MACROD2: variants seen among roughly 807,000 people sequenced by gnomAD.
MACROD2 encodes ADP-ribose glycohydrolase MACROD2.
In MACROD2, 36 loss-of-function variants were observed where a neutral mutation model predicts 70.4. The ratio of observed to expected loss-of-function variants is 0.51; its 90% CI spans 0.39 to 0.68. The LOEUF (loss-of-function observed/expected upper bound fraction) is 0.68, where lower values mean the gene tolerates loss of function less well. Among genes scored for constraint, MACROD2 ranks in the 30% least tolerant of loss-of-function variants. The pLI is 0.00. For missense variants in MACROD2, 496 were observed against 538.4 expected (o/e 0.92, Z 0.78); for synonymous variants, 172 against 178.8 (o/e 0.96, Z 0.30).
At chr20:15,495,752 T>C (rs1040153738) in intron 7 of MACROD2, among the ~76,000 whole-genome samples, 1 of 152,214 alleles carries the variant, frequency 6.6e-6, no homozygotes, top group Non-Finnish European at 1.5e-5. Flanking sequence ...TAATCACATA[T>C]TTACATAAAT....
chr20:15,229,039 G>A (rs1407656036), intron 5 of MACROD2, among the ~76,000 whole-genome samples: 4 of 152,112 alleles, frequency 2.6e-5, no homozygotes, highest in African/African-American at 7.2e-5. Context: ...TCAGTTCACC[G>A]ATAAGACTGG....
intron 8 of MACROD2, among the ~76,000 whole-genome samples, chr20:15,718,313 A>G (rs2050735692): frequency 6.6e-6 from 1 of 152,178 alleles, no homozygotes; most frequent in Admixed American, 6.6e-5. Flanking sequence ...CTAAGCAAAC[A>G]GGCAAGTTAT....
intron 5 of MACROD2, among the ~76,000 whole-genome samples, chr20:15,067,721 T>G (rs565868228): frequency 1.3e-5 from 2 of 152,258 alleles, no homozygotes; most frequent in African/African-American, 4.8e-5. Context: ...GCATACACAT[T>G]GTATGTAGAT....
chr20:15,664,387 A>T (rs1349411238), intron 8 of MACROD2, among the ~76,000 whole-genome samples: 1 of 152,208 alleles, frequency 6.6e-6, no homozygotes, highest in East Asian at 1.9e-4. Flanking sequence ...AGCAGCATAA[A>T]ATATTTATTT....
chr20:15,547,030 A>G lies in MACROD2; in HGVS notation c.645+47183A>G, dbSNP rs144277746. On this transcript the variant is annotated intron_variant, in intron 8 of 17. Coordinates refer to ENST00000684519, the MANE Select transcript of MACROD2 (RefSeq NM_001351661.2). Reference sequence around the variant, plus strand: ...TATCTCACCTGTCAGCTCTCTTGACAGCTTGCTGTTGAATCGGAACCAAAG... The same window carrying G: ...TATCTCACCTGTCAGCTCTCTTGACGGCTTGCTGTTGAATCGGAACCAAAG... 1.2e-4 allele frequency among the ~76,000 whole-genome samples: 18 copies of G among 152,308 alleles called. No homozygotes were observed. The East Asian group carries it at 2.7e-3, about 23-fold the overall frequency.
intron 4 of MACROD2, among the ~76,000 whole-genome samples, chr20:14,594,699 C>T (rs1982003295): frequency 6.6e-6 from 1 of 152,198 alleles, no homozygotes; most frequent in African/African-American, 2.4e-5. Flanking sequence ...TGAGACCAGC[C>T]TGGCCAATAT....
intron 5 of MACROD2, among the ~76,000 whole-genome samples, chr20:15,215,799 C>A (rs1024244074): frequency 6.6e-6 from 1 of 151,850 alleles, no homozygotes; most frequent in Non-Finnish European, 1.5e-5. Flanking sequence ...AATAAAAATT[C>A]TTGGAAATAA....
chr20:14,174,130 G>T (rs2081245074), intron 3 of MACROD2, among the ~76,000 whole-genome samples: 1 of 152,090 alleles, frequency 6.6e-6, no homozygotes, highest in Non-Finnish European at 1.5e-5. Context: ...TCTCAAGAGT[G>T]TATCAGCTAG....
At chr20:15,242,113 T>C (rs762435081) in intron 6 of MACROD2, among the ~76,000 whole-genome samples, 3 of 152,172 alleles carry the variant, frequency 2.0e-5, no homozygotes, top group Non-Finnish European at 2.9e-5. Flanking sequence ...AACCTCTTGG[T>C]ATAATGGATC....
intron 3 of MACROD2, among the ~76,000 whole-genome samples, chr20:14,263,545 C>T (rs993207804): frequency 2.6e-5 from 4 of 152,066 alleles, no homozygotes; most frequent in African/African-American, 9.7e-5. Context: ...CATGAAGCCT[C>T]CAGGGTCAAG....
At chr20:15,712,331 G>T (rs947022237) in intron 8 of MACROD2, among the ~76,000 whole-genome samples, 1 of 152,206 alleles carries the variant, frequency 6.6e-6, no homozygotes, top group Admixed American at 6.5e-5. Flanking sequence ...ACTGGAGTTG[G>T]CCCACAGGCC....
intron 9 of MACROD2, among the ~76,000 whole-genome samples, chr20:15,879,018 G>A (rs908857451): frequency 3.9e-5 from 6 of 152,110 alleles, no homozygotes; most frequent in Non-Finnish European, 8.8e-5. Context: ...TAACATCAAA[G>A]AGGTCCCGTA....
intron 4 of MACROD2, among the ~76,000 whole-genome samples, chr20:14,495,136 A>G (rs1568638953): frequency 6.6e-6 from 1 of 152,120 alleles, no homozygotes. Flanking sequence ...AAAAGTAAAA[A>G]ACATTAAAAT....
chr20:15,725,947 T>C (rs1318426739), intron 8 of MACROD2, among the ~76,000 whole-genome samples: 3 of 152,278 alleles, frequency 2.0e-5, no homozygotes, highest in East Asian at 3.9e-4. Context: ...TAGGTAAACC[T>C]TTATATAGGT....
chr20:14,702,676 CACATATATGTGTATATATATGT>C (rs1568747668), intron 5 of MACROD2, among the ~76,000 whole-genome samples: 2 of 68,470 alleles, frequency 2.9e-5, no homozygotes, highest in Non-Finnish European at 5.6e-5. Flanking sequence ...TATATATATA[CACATATATGTGTATATATATGT>C]ATATATATGT....
intron 8 of MACROD2, among the ~76,000 whole-genome samples, chr20:15,549,107 T>G (rs1402488076): frequency 6.6e-6 from 1 of 152,234 alleles, no homozygotes; most frequent in African/African-American, 2.4e-5. Context: ...AGTAAGATAG[T>G]TGTTGTAACT....
At chr20:14,501,148 A>G (rs1454940038) in intron 4 of MACROD2, among the ~76,000 whole-genome samples, 1 of 151,796 alleles carries the variant, frequency 6.6e-6, no homozygotes, top group East Asian at 1.9e-4. Flanking sequence ...TTTTATTTTT[A>G]AAAAGTTTGT....
intron 7 of MACROD2, among the ~76,000 whole-genome samples, chr20:15,448,498 AGT>A (rs2046599509): frequency 6.6e-6 from 1 of 152,070 alleles, no homozygotes; most frequent in Non-Finnish European, 1.5e-5. Context: ...TATCAATGTC[AGT>A]GTCTGGTTTT....
chr20:15,620,646 CTAAATT>C (rs1046079879), intron 8 of MACROD2, among the ~76,000 whole-genome samples: 4 of 152,086 alleles, frequency 2.6e-5, no homozygotes, highest in Admixed American at 2.0e-4. Context: ...TAATTTATTT[CTAAATT>C]TAAATTTAAA....
Sources: gnomAD v4.1 joint callset for allele counts (sites outside exome capture counted in the v4.1 genomes callset) on GRCh38, gnomAD v4.1.1 for gene constraint, MANE v1.5 for transcripts, NCBI Gene and HGNC (gene_info 2026-07-23, HGNC 2026-07-21) for gene names.